The following ACLY variants were observed in gnomAD, a reference collection of about 807,000 sequenced individuals.
ACLY encodes the protein ATP citrate lyase, also known as ATP-citrate synthase.
ACLY carries 41 observed loss-of-function variants against 133.0 expected under a neutral mutation model. The ratio of observed to expected loss-of-function variants is 0.31; its 90% CI spans 0.24 to 0.40. The LOEUF (loss-of-function observed/expected upper bound fraction) is 0.40, where lower values mean the gene tolerates loss of function less well. Among genes scored for constraint, ACLY ranks in the 10% least tolerant of loss-of-function variants. The pLI, the probability that ACLY is intolerant of heterozygous loss-of-function variation, is 1.00. For missense variants in ACLY, 1,046 were observed against 1,453.8 expected (o/e 0.72, Z 4.56); for synonymous variants, 495 against 549.3 (o/e 0.90, Z 1.38).
intron 1 of ACLY, among the ~76,000 whole-genome samples, chr17:41,927,906 G>A (rs1239200774): frequency 2.0e-5 from 3 of 151,934 alleles, no homozygotes; most frequent in African/African-American, 7.3e-5. Context: ...AGAGGCCGCG[G>A]TGGGAGGATT....
intron 1 of ACLY, among the ~76,000 whole-genome samples, chr17:41,918,548 A>T (rs2050118165): frequency 6.6e-6 from 1 of 152,126 alleles, no homozygotes; most frequent in Non-Finnish European, 1.5e-5. Context: ...GAGCCTCGAT[A>T]GCTGTGCCCG....
chr17:41,887,841 A>C (rs1484805431), intron 16 of ACLY, 138 bp from the exon 17 acceptor site: 1 of 691,802 alleles, frequency 1.4e-6, no homozygotes, highest in Non-Finnish European at 2.5e-6. Context: ...AACAATATGC[A>C]TATCAGCCGG....
chr17:41,903,613 G>A (rs1486020838), intron 10 of ACLY, among the ~76,000 whole-genome samples: 5 of 151,926 alleles, frequency 3.3e-5, no homozygotes, highest in South Asian at 2.1e-4. Context: ...AAAATTAGCC[G>A]GGTGTGGTGG....
At chr17:41,872,283 T>C in intron 23 of ACLY, 101 bp from the exon 24 acceptor site, 2 of 1,212,720 alleles carry the variant, frequency 1.6e-6, no homozygotes, top group Admixed American at 4.0e-5. Flanking sequence ...GAAGGGTAAC[T>C]ACCAATCCAA....
At chr17:41,918,624 C>A (rs956682833) in intron 1 of ACLY, among the ~76,000 whole-genome samples, 1 of 152,064 alleles carries the variant, frequency 6.6e-6, no homozygotes, top group Non-Finnish European at 1.5e-5. Flanking sequence ...GCAAGGATGG[C>A]GGCAAGCCCC....
intron 11 of ACLY, among the ~76,000 whole-genome samples, chr17:41,900,311 C>T (rs1598019165): frequency 6.9e-6 from 1 of 145,970 alleles, no homozygotes; most frequent in Admixed American, 6.9e-5. Flanking sequence ...TGCAGTGAGC[C>T]GAGATCGCGC....
intron 11 of ACLY, among the ~76,000 whole-genome samples, chr17:41,899,410 T>C (rs1177861910): frequency 6.6e-6 from 1 of 152,144 alleles, no homozygotes; most frequent in Non-Finnish European, 1.5e-5. Flanking sequence ...ATCGCATGCA[T>C]CCACCAGTGC....
chr17:41,894,177 A>T (rs1053473832), intron 14 of ACLY, among the ~76,000 whole-genome samples: 1 of 149,148 alleles, frequency 6.7e-6, no homozygotes, highest in African/African-American at 2.5e-5. Flanking sequence ...AGATCGTGCC[A>T]GTGCACTCCA....
At chr17:41,888,278 C>G (rs1421010201) in intron 16 of ACLY, among the ~76,000 whole-genome samples, 2 of 152,206 alleles carry the variant, frequency 1.3e-5, no homozygotes, top group African/African-American at 4.8e-5. Context: ...CCACAGTGAT[C>G]CACCCAAGAG....
At chr17:41,875,963 C>G (rs1212457204) in intron 22 of ACLY, among the ~76,000 whole-genome samples, 2 of 150,728 alleles carry the variant, frequency 1.3e-5, no homozygotes, top group Non-Finnish European at 2.9e-5. Flanking sequence ...TGAGGAGCGT[C>G]TCTGCCCGGC....
intron 25 of ACLY, among the ~76,000 whole-genome samples, chr17:41,870,172 A>G (rs1467425503): frequency 6.6e-6 from 1 of 152,222 alleles, no homozygotes; most frequent in African/African-American, 2.4e-5. Flanking sequence ...TAGCTGGGTC[A>G]GTACATCCTC....
intron 20 of ACLY, among the ~76,000 whole-genome samples, chr17:41,881,861 T>C (rs2048926036): frequency 6.6e-6 from 1 of 152,040 alleles, no homozygotes; most frequent in Non-Finnish European, 1.5e-5. Context: ...TTTACTTACA[T>C]GGAAAAATAA....
intron 5 of ACLY, 47 bp from the exon 6 acceptor site, chr17:41,909,115 C>T (rs1288181130): frequency 4.1e-6 from 6 of 1,475,180 alleles, no homozygotes; most frequent in Middle Eastern, 4.6e-4. Flanking sequence ...CAGGGAGCAG[C>T]TCGGCAGCAC....
intron 1 of ACLY, among the ~76,000 whole-genome samples, chr17:41,929,409 C>T (rs782318888): frequency 3.3e-5 from 5 of 152,202 alleles, no homozygotes; most frequent in East Asian, 3.9e-4. Context: ...TCTCTACTTA[C>T]GTCTACTGGG....
intron 22 of ACLY, among the ~76,000 whole-genome samples, chr17:41,876,539 T>A (rs1332553830): frequency 6.6e-6 from 1 of 152,198 alleles, no homozygotes; most frequent in Non-Finnish European, 1.5e-5. Flanking sequence ...GAAGTAGACA[T>A]GGGAGACTTT....
chr17:41,919,301 A>C (rs1218685845), upstream of ACLY, among the ~76,000 whole-genome samples: 1 of 85,276 alleles, frequency 1.2e-5, no homozygotes, highest in African/African-American at 4.0e-5. Flanking sequence ...CCACTCGGGG[A>C]GTTGGGGGAG....
chr17:41,929,610 T>C (rs2144472003), intron 1 of ACLY, among the ~76,000 whole-genome samples: 1 of 152,290 alleles, frequency 6.6e-6, no homozygotes, highest in Non-Finnish European at 1.5e-5. Flanking sequence ...TTATACATCT[T>C]TCTCCCCTAT....
intron 22 of ACLY, among the ~76,000 whole-genome samples, chr17:41,875,616 A>AT (rs1329940415): frequency 2.5e-4 from 38 of 152,036 alleles, no homozygotes; most frequent in African/African-American, 8.4e-4. Flanking sequence ...TGGTTTTCGT[A>AT]TTTTTTTGGT....
intron 16 of ACLY, among the ~76,000 whole-genome samples, chr17:41,890,679 ACT>A (rs1396550724): frequency 3.3e-5 from 5 of 149,720 alleles, no homozygotes; most frequent in East Asian, 2.0e-4. Flanking sequence ...AAAGAGTGAA[ACT>A]CTGTCTCAAA....
Sources: allele counts gnomAD v4.1 joint callset (sites outside exome capture counted in the v4.1 genomes callset), GRCh38; gene constraint gnomAD v4.1.1; transcripts MANE v1.5; gene names NCBI Gene and HGNC (gene_info 2026-07-23, HGNC 2026-07-21).